Variants in SRRM3 observed in about 807,000 individuals in gnomAD.
SRRM3 encodes the protein serine/arginine repetitive matrix protein 3.
Under a neutral mutation model 66.2 loss-of-function variants are expected in SRRM3, and 27 were observed. The observed-to-expected ratio is 0.41, with a 90% CI of 0.30 to 0.56. The LOEUF (loss-of-function observed/expected upper bound fraction) is 0.56, where lower values mean the gene tolerates loss of function less well. SRRM3 is among the 20% of genes least tolerant of loss of function. The probability of loss-of-function intolerance (pLI) is 0.32; values close to 1 mark genes in which losing one functional copy is unlikely to be tolerated. For synonymous variants in SRRM3, 391 were observed against 414.9 expected (o/e 0.94, Z 0.70); for missense variants, 918 against 991.9 (o/e 0.93, Z 1.00).
intron 2 of SRRM3, among the ~76,000 whole-genome samples, chr7:76,242,302 T>G (rs1245484073): frequency 6.6e-6 from 1 of 152,062 alleles, no homozygotes; most frequent in Non-Finnish European, 1.5e-5. Context: ...CTGACCAACA[T>G]GGAGAAACTC....
intron 1 of SRRM3, among the ~76,000 whole-genome samples, chr7:76,215,007 A>G (rs185902753): frequency 6.6e-6 from 1 of 151,284 alleles, no homozygotes; most frequent in African/African-American, 2.4e-5. Context: ...AGGTCACCAC[A>G]TAACAACTGC....
At chr7:76,243,858 A>G (rs1554605876) in intron 2 of SRRM3, among the ~76,000 whole-genome samples, 1 of 152,206 alleles carries the variant, frequency 6.6e-6, no homozygotes, top group Non-Finnish European at 1.5e-5. Flanking sequence ...TAGTCTCTGC[A>G]AGAGAAGGTG....
At position 76,246,468 on chromosome 7, in the gene SRRM3, G is replaced by T. The variant is rs1315786230; in HGVS notation, c.234-1720G>T. 2.0e-5 allele frequency among the ~76,000 whole-genome samples: 3 copies of T among 152,244 alleles called. No individual in the cohort carries two copies. The East Asian group carries it at 5.8e-4, about 29-fold the overall frequency. On this transcript the variant is annotated intron_variant, in intron 2 of 14. Transcript: ENST00000611745. ...AATCCCAGCTATTTGGGTGGCTGAG[G>T]CAGGAGAATCACTTGAACCCGGGAG...
chr7:76,204,298 G>A (rs1262796433), intron 1 of SRRM3, among the ~76,000 whole-genome samples: 1 of 152,148 alleles, frequency 6.6e-6, no homozygotes, highest in African/African-American at 2.4e-5. Context: ...GCACCAATGG[G>A]GAGGTTAGAG....
At chr7:76,218,097 C>T (rs1800613692) in intron 1 of SRRM3, among the ~76,000 whole-genome samples, 2 of 152,188 alleles carry the variant, frequency 1.3e-5, no homozygotes, top group Non-Finnish European at 2.9e-5. Context: ...CTTCCTCTGC[C>T]TAGCTCCCAG....
chr7:76,247,001 T>C (rs1467045991), intron 2 of SRRM3, among the ~76,000 whole-genome samples: 1 of 152,218 alleles, frequency 6.6e-6, no homozygotes, highest in Non-Finnish European at 1.5e-5. Context: ...TAACAGCTGC[T>C]GGACACCTGC....
At chr7:76,235,410 C>T in intron 2 of SRRM3, 111 bp downstream of exon 2, 1 of 896,468 alleles carries the variant, frequency 1.1e-6, no homozygotes, top group Non-Finnish European at 1.6e-6. Flanking sequence ...GGGAGAAGGG[C>T]GGGGCTAGGG....
intron 1 of SRRM3, among the ~76,000 whole-genome samples, chr7:76,216,522 G>A (rs1236541292): frequency 6.6e-6 from 1 of 152,212 alleles, no homozygotes; most frequent in Non-Finnish European, 1.5e-5. Context: ...TCAATGGCGA[G>A]TCCCTGGCCT....
chr7:76,251,144 T>C (rs560989388), intron 3 of SRRM3, among the ~76,000 whole-genome samples: 3 of 152,158 alleles, frequency 2.0e-5, no homozygotes, highest in South Asian at 4.1e-4. Context: ...CCCATGGCGG[T>C]CAGCCCGACG....
intron 2 of SRRM3, among the ~76,000 whole-genome samples, chr7:76,239,642 G>A (rs971531545): frequency 2.0e-5 from 3 of 152,102 alleles, no homozygotes; most frequent in Non-Finnish European, 2.9e-5. Context: ...AGTCGAGGCT[G>A]CAGCGAGCTA....
intron 11 of SRRM3, among the ~76,000 whole-genome samples, chr7:76,278,003 A>G (rs1453334131): frequency 5.3e-5 from 8 of 152,234 alleles, no homozygotes; most frequent in African/African-American, 1.7e-4. Flanking sequence ...CCCAGGGTAT[A>G]GGACAGAAAC....
intron 3 of SRRM3, among the ~76,000 whole-genome samples, chr7:76,250,544 T>G (rs1289578817): frequency 1.3e-5 from 2 of 152,184 alleles, no homozygotes; most frequent in African/African-American, 4.8e-5. Flanking sequence ...TTAGTCATCG[T>G]AAAGGCTGGC....
At chr7:76,202,820 C>G (rs1197636899) in intron 1 of SRRM3, among the ~76,000 whole-genome samples, 5 of 152,130 alleles carry the variant, frequency 3.3e-5, no homozygotes, top group African/African-American at 1.2e-4. Context: ...TCCCAGGGCT[C>G]CTGCCTGGAC....
chr7:76,212,438 T>C (rs1013189662), intron 1 of SRRM3, among the ~76,000 whole-genome samples: 31 of 149,286 alleles, frequency 2.1e-4, no homozygotes, highest in Non-Finnish European at 4.1e-4. Flanking sequence ...ATTACCGGCA[T>C]GAGTCACTGC....
chr7:76,209,035 G>T (rs1800368352), intron 1 of SRRM3, among the ~76,000 whole-genome samples: 1 of 152,070 alleles, frequency 6.6e-6, no homozygotes, highest in South Asian at 2.1e-4. Context: ...GAAAGTCAAG[G>T]CTGCAACGAG....
In SRRM3 at chr7:76,281,619, C is replaced by T. The variant is rs1554611911; in HGVS notation, c.1187C>T (p.Ser396Leu). 1.0e-6 allele frequency: 1 copy of T among 974,028 alleles called. No individual in the cohort carries two copies. Among genetic ancestry groups the T allele is most frequent in the African/African-American group, 1.8e-5 (1 of 56,446 alleles). The allele number at this position is 974,028 out of a possible 1,614,324, so 60.3% of individuals were successfully genotyped here. A position where few individuals can be genotyped will look rare whatever the true frequency, so the allele number is the denominator to read the frequency against. The change falls in exon 12 of 15, where the codon TCG (serine) becomes TTG (leucine). Residue 396 changes from serine (S) to leucine (L), a missense_variant. Coordinates refer to ENST00000611745, the MANE Select transcript of SRRM3 (RefSeq NM_001110199.3). ...CGGCGGCGGCGTAGGCGGCGGCGCT[C>T]GCGGTCCTCGGCGTCCGCGCCCCGC... Reference protein sequence around the residue: ...RRRRRRRRRRSRSSASAPRRR... With the variant: ...RRRRRRRRRRLRSSASAPRRR...
chr7:76,209,780 T>G (rs1440822391), intron 1 of SRRM3, among the ~76,000 whole-genome samples: 1 of 152,106 alleles, frequency 6.6e-6, no homozygotes, highest in Non-Finnish European at 1.5e-5. Context: ...AATTTTTTAA[T>G]GTTTTTTTAG....
At chr7:76,248,021 T>C (rs1801483608) in intron 2 of SRRM3, among the ~76,000 whole-genome samples, 167 bp from the exon 3 acceptor site, 1 of 152,124 alleles carries the variant, frequency 6.6e-6, no homozygotes, top group Non-Finnish European at 1.5e-5. Flanking sequence ...AACTTGAGCT[T>C]CCTCAGTGCT....
intron 3 of SRRM3, among the ~76,000 whole-genome samples, chr7:76,258,551 A>G (rs1801773370): frequency 6.6e-6 from 1 of 151,354 alleles, no homozygotes; most frequent in South Asian, 2.1e-4. Context: ...CGTCTCTACT[A>G]AAAATACAAA....
Sources: allele counts gnomAD v4.1 joint callset (sites outside exome capture counted in the v4.1 genomes callset), GRCh38; gene constraint gnomAD v4.1.1; transcripts MANE v1.5; gene names NCBI Gene and HGNC (gene_info 2026-07-23, HGNC 2026-07-21).